WWOX: variants seen among roughly 807,000 people sequenced by gnomAD.
WWOX encodes the protein WW domain containing oxidoreductase.
WWOX carries 69 observed loss-of-function variants against 46.2 expected under a neutral mutation model. The ratio of observed to expected loss-of-function variants is 1.49; its 90% CI spans 1.23 to 1.82. The LOEUF (loss-of-function observed/expected upper bound fraction) is 1.82. Among genes scored for constraint, WWOX ranks in the 40% most tolerant of loss-of-function variants. WWOX has a pLI of 0.00. For synonymous variants in WWOX, 359 were observed against 202.6 expected (o/e 1.77, Z -6.56); for missense variants, 919 against 542.6 (o/e 1.69, Z -6.89).
intron 8 of WWOX, among the ~76,000 whole-genome samples, chr16:78,880,275 A>G (rs1403491601): frequency 1.3e-5 from 2 of 152,148 alleles, no homozygotes; most frequent in African/African-American, 2.4e-5. Context: ...TCTAAAGGCT[A>G]TTTTTTATTT....
intron 8 of WWOX, among the ~76,000 whole-genome samples, chr16:78,725,261 G>T (rs2048797812): frequency 6.6e-6 from 1 of 151,444 alleles, no homozygotes; most frequent in African/African-American, 2.4e-5. Context: ...GTGAAATTGT[G>T]AGTCCATTCA....
chr16:78,778,041 T>G (rs35265902), intron 8 of WWOX, among the ~76,000 whole-genome samples: 40,495 of 97,614 alleles, frequency 0.41, 6,221 homozygotes, highest in South Asian at 0.51. Flanking sequence ...TGAGACTCCA[T>G]CTGAAAAAAA....
chr16:78,908,177 G>T (rs1308406323), intron 8 of WWOX, among the ~76,000 whole-genome samples: 1 of 152,130 alleles, frequency 6.6e-6, no homozygotes, highest in African/African-American at 2.4e-5. Flanking sequence ...CAGTGTAATT[G>T]CCCAACGGGT....
chr16:79,061,542 G>T (rs1347215062), intron 8 of WWOX, among the ~76,000 whole-genome samples: 1 of 152,184 alleles, frequency 6.6e-6, no homozygotes, highest in African/African-American at 2.4e-5. Context: ...CTGATTTCTG[G>T]ACGAGAGTTA....
chr16:79,183,852 C>G (rs1371187514), intron 8 of WWOX, among the ~76,000 whole-genome samples: 3 of 152,174 alleles, frequency 2.0e-5, no homozygotes, highest in African/African-American at 7.2e-5. Context: ...ATCTCTGCAT[C>G]ACACTAACAC....
intron 8 of WWOX, among the ~76,000 whole-genome samples, chr16:79,142,442 G>A (rs187423031): frequency 3.5e-4 from 54 of 152,186 alleles, no homozygotes; most frequent in East Asian, 3.1e-3. Flanking sequence ...TTTTCACCAC[G>A]GAAATTGGCA....
chr16:79,028,266 G>A (rs1395511515), intron 8 of WWOX, among the ~76,000 whole-genome samples: 1 of 151,750 alleles, frequency 6.6e-6, no homozygotes, highest in East Asian at 1.9e-4. Context: ...TTTCCTTTGT[G>A]TTCCTAATAC....
chr16:78,350,508 T>A (rs181825229), intron 5 of WWOX, among the ~76,000 whole-genome samples: 1 of 121,402 alleles, frequency 8.2e-6, no homozygotes, highest in Non-Finnish European at 2.0e-5. Flanking sequence ...TTTCTGTCTC[T>A]ATATAGATTT....
chr16:78,313,972 C>T (rs557036967), intron 5 of WWOX, among the ~76,000 whole-genome samples: 3 of 152,274 alleles, frequency 2.0e-5, no homozygotes, highest in South Asian at 2.1e-4. Context: ...GAGACCAGGT[C>T]GAGTCGAAAT....
intron 8 of WWOX, among the ~76,000 whole-genome samples, chr16:78,497,080 C>T (rs751093295): frequency 6.6e-6 from 1 of 152,198 alleles, no homozygotes; most frequent in East Asian, 1.9e-4. Context: ...AGGCCCAAGC[C>T]GTCTATTGTA....
intron 8 of WWOX, among the ~76,000 whole-genome samples, chr16:78,817,540 C>T (rs902418248): frequency 2.0e-5 from 3 of 152,130 alleles, no homozygotes; most frequent in Admixed American, 2.0e-4. Flanking sequence ...TCAAATTTGC[C>T]AATCAAAATT....
chr16:78,326,883 G>A (rs2080635509), intron 5 of WWOX, among the ~76,000 whole-genome samples: 1 of 152,030 alleles, frequency 6.6e-6, no homozygotes, highest in African/African-American at 2.4e-5. Context: ...TATTCTATAT[G>A]AATCTTGAAT....
chr16:79,086,014 G>A lies in WWOX; in HGVS notation c.1057-125594G>A, dbSNP rs551121208. 1.6e-4 allele frequency among the ~76,000 whole-genome samples: 24 copies of A among 152,192 alleles called. No homozygotes were observed. In the East Asian group the frequency reaches 3.9e-3, roughly 25 times the overall value. On this transcript the variant is annotated intron_variant, in intron 8 of 8. Transcript: ENST00000566780. ...TTGCATCCAGGAGGTTGAGGCTGCA[G>A]TGAGCCATGACTGTGGCACTGCACT...
chr16:78,263,195 G>C lies in WWOX; in HGVS notation c.516+98906G>C, dbSNP rs539836777. ...ATGGAGGTTGCAGTGAGCCAAGATT[G>C]CACCTCTGCACTTCAGAGCGAGACT... On this transcript the variant is annotated intron_variant, in intron 5 of 8. Coordinates refer to ENST00000566780, the MANE Select transcript of WWOX (RefSeq NM_016373.4). 2.4e-4 allele frequency among the ~76,000 whole-genome samples: 36 copies of C among 152,168 alleles called. 1 individual carries two copies. Among genetic ancestry groups the C allele is most frequent in the Non-Finnish European group, 4.6e-4 (31 of 68,032 alleles).
At chr16:78,955,773 G>C (rs143699679) in intron 8 of WWOX, among the ~76,000 whole-genome samples, 5,452 of 151,328 alleles carry the variant, frequency 0.036, 342 homozygotes, top group African/African-American at 0.12. Context: ...TCAGCCTCCC[G>C]AGTAGCTGGG....
intron 8 of WWOX, among the ~76,000 whole-genome samples, chr16:78,979,016 G>C (rs1031007653): frequency 6.6e-6 from 1 of 151,202 alleles, no homozygotes; most frequent in Admixed American, 6.6e-5. Context: ...GACCAGCATC[G>C]ACCTTCATCA....
intron 8 of WWOX, among the ~76,000 whole-genome samples, chr16:78,633,094 C>G (rs1319275158): frequency 6.6e-6 from 1 of 152,034 alleles, no homozygotes; most frequent in African/African-American, 2.4e-5. Flanking sequence ...GAAACCCTGT[C>G]TCTACTACAA....
At chr16:79,040,777 C>G (rs184642410) in intron 8 of WWOX, among the ~76,000 whole-genome samples, 1 of 152,118 alleles carries the variant, frequency 6.6e-6, no homozygotes, top group Admixed American at 6.5e-5. Context: ...ACTCTTAGAC[C>G]TTCTTCTGAG....
rs570159911 is a variant in WWOX, at chr16:78,823,855, A to G, written c.1057-387753A>G. Among the ~76,000 whole-genome samples, 3 of 151,714 alleles carry G rather than the reference A, an allele frequency of 2.0e-5. No homozygotes were observed. The East Asian group carries it at 5.8e-4, about 29-fold the overall frequency. Reference sequence around the variant, plus strand: ...CAATGGTATGATCATAGCTCACTACAACCTCCAATGCCTGGGTTTAAGTGA... The same window carrying G: ...CAATGGTATGATCATAGCTCACTACGACCTCCAATGCCTGGGTTTAAGTGA... On this transcript the variant is annotated intron_variant, in intron 8 of 8. Transcript: ENST00000566780.
Sources: gnomAD v4.1 joint callset for allele counts (sites outside exome capture counted in the v4.1 genomes callset) on GRCh38, gnomAD v4.1.1 for gene constraint, MANE v1.5 for transcripts, NCBI Gene and HGNC (gene_info 2026-07-23, HGNC 2026-07-21) for gene names.